The following ARHGAP44 variants were observed in gnomAD, a reference collection of about 807,000 sequenced individuals.
The protein encoded by ARHGAP44 is Rho GTPase activating protein 44.
A neutral mutation model predicts 106.8 loss-of-function variants in ARHGAP44; 43 were observed. That is an observed-to-expected ratio of 0.40 (90% CI 0.32 to 0.52). The LOEUF (loss-of-function observed/expected upper bound fraction) is 0.52. Ranked by LOEUF, ARHGAP44 falls within the 20% of genes least tolerant of loss-of-function variation. The pLI, the probability that ARHGAP44 is intolerant of heterozygous loss-of-function variation, is 0.48. For synonymous variants in ARHGAP44, 439 were observed against 410.3 expected (o/e 1.07, Z -0.85); for missense variants, 866 against 1,050.5 (o/e 0.82, Z 2.43).
intron 1 of ARHGAP44, among the ~76,000 whole-genome samples, chr17:12,798,005 T>TG (rs2033975613): frequency 6.6e-6 from 1 of 152,190 alleles, no homozygotes; most frequent in African/African-American, 2.4e-5. Context: ...TACTCTTTGT[T>TG]GCTGGAATGT....
rs1598173210 is a variant in ARHGAP44 at position 12,989,101 on chromosome 17, C to CGAAAAAAAAAAA, written c.2318-931_2318-930insGAAAAAAAAAAA. Among the ~76,000 whole-genome samples, 178 of 45,158 alleles carry CGAAAAAAAAAAA rather than the reference C, an allele frequency of 3.9e-3. 7 individuals are homozygous for CGAAAAAAAAAAA. Among genetic ancestry groups the CGAAAAAAAAAAA allele is most frequent in the South Asian group, 0.011 (9 of 792 alleles). The allele number at this position is 45,158 out of a possible 152,430, so 29.6% of individuals were successfully genotyped here. ...GACAAGAGCGAAACTCCACCCCCCCCAAAAAAAAAAAAAAAAAAAAAAAAC... is the reference window on the plus strand; with the variant it reads ...GACAAGAGCGAAACTCCACCCCCCCCGAAAAAAAAAAAAAAAAAAAAAAAAAAAAAAAAAAAC... On this transcript the variant is annotated intron_variant, in intron 20 of 20. Coordinates refer to ENST00000379672, the MANE Select transcript of ARHGAP44 (RefSeq NM_014859.6).
At chr17:12,808,330 G>A (rs1338507542) in intron 1 of ARHGAP44, among the ~76,000 whole-genome samples, 1 of 152,368 alleles carries the variant, frequency 6.6e-6, no homozygotes, top group East Asian at 1.9e-4. Context: ...ACTCTGTGTG[G>A]GGCTCGAACC....
At chr17:12,854,170 T>C (rs969852958) in intron 1 of ARHGAP44, among the ~76,000 whole-genome samples, 23 of 152,230 alleles carry the variant, frequency 1.5e-4, no homozygotes, top group African/African-American at 5.1e-4. Context: ...CAGATGGAGA[T>C]GGCACAGGAG....
At chr17:12,854,958 CAAA>C (rs1182512832) in intron 1 of ARHGAP44, among the ~76,000 whole-genome samples, 5 of 50,926 alleles carry the variant, frequency 9.8e-5, no homozygotes, top group Non-Finnish European at 2.3e-4. Flanking sequence ...AACTCTGTCT[CAAA>C]AAAAAAAAAA....
chr17:12,979,929 A>G (rs73978294), intron 18 of ARHGAP44, 129 bp from the exon 19 acceptor site: 3 of 1,041,554 alleles, frequency 2.9e-6, no homozygotes, highest in Admixed American at 2.9e-5. Flanking sequence ...GGAAGGGGCC[A>G]AGACAGACCA....
At chr17:12,837,433 G>T (rs1340858260) in intron 1 of ARHGAP44, among the ~76,000 whole-genome samples, 1 of 152,148 alleles carries the variant, frequency 6.6e-6, no homozygotes, top group Non-Finnish European at 1.5e-5. Flanking sequence ...AGAAAAGAGG[G>T]TTGATTTTTA....
chr17:12,977,020 C>T (rs1246773459), intron 18 of ARHGAP44, among the ~76,000 whole-genome samples: 3 of 151,580 alleles, frequency 2.0e-5, no homozygotes, highest in Admixed American at 2.0e-4. Context: ...AAAAAGTGCT[C>T]CTTGAAGATG....
chr17:12,935,664 A>G (rs1171531362), intron 7 of ARHGAP44, among the ~76,000 whole-genome samples: 1 of 152,184 alleles, frequency 6.6e-6, no homozygotes, highest in Admixed American at 6.6e-5. Context: ...AGGGAACTGA[A>G]TGAGATTAGG....
At chr17:12,820,631 C>G (rs1398538524) in intron 1 of ARHGAP44, among the ~76,000 whole-genome samples, 1 of 152,090 alleles carries the variant, frequency 6.6e-6, no homozygotes, top group African/African-American at 2.4e-5. Flanking sequence ...TATAGTAAGT[C>G]TGTGTTCCCT....
chr17:12,795,454 G>A (rs1429181228), intron 1 of ARHGAP44, among the ~76,000 whole-genome samples: 6 of 152,058 alleles, frequency 3.9e-5, no homozygotes, highest in Non-Finnish European at 7.4e-5. Flanking sequence ...TCATCGTGAG[G>A]AAGCCATGCT....
intron 1 of ARHGAP44, among the ~76,000 whole-genome samples, chr17:12,874,890 A>G (rs2036507708): frequency 1.4e-5 from 2 of 143,522 alleles, no homozygotes; most frequent in Middle Eastern, 3.3e-3. Flanking sequence ...AAAGTTAGAT[A>G]TGCCTGGAAC....
At chr17:12,959,932 G>A (rs1567710020) in intron 16 of ARHGAP44, among the ~76,000 whole-genome samples, 1 of 152,214 alleles carries the variant, frequency 6.6e-6, no homozygotes, top group African/African-American at 2.4e-5. Flanking sequence ...GGCCTAAAGC[G>A]GTGCAGGAGG....
In ARHGAP44 at chr17:12,949,961, G is replaced by A. The variant is rs2038953173; in HGVS notation, c.1055+231G>A. Among the ~76,000 whole-genome samples the A allele has an allele frequency of 1.3e-5, 2 of 152,026 alleles. No individual in the cohort carries two copies. Among genetic ancestry groups the A allele is most frequent in the Admixed American group, 6.6e-5 (1 of 15,122 alleles). ...TAAAGATTCATTGGAGAAGGGGGTT[G>A]GGAAGTGGCTAAGTAAACTGTGGAG... On this transcript the variant is annotated intron_variant, in intron 12 of 20. Coordinates refer to ENST00000379672, the MANE Select transcript of ARHGAP44 (RefSeq NM_014859.6). This position sits in a 1 kb window ranked among gnomAD's most constrained non-coding sequence, Gnocchi z 4.1.
At chr17:12,895,143 A>T (rs1423914807) in intron 2 of ARHGAP44, among the ~76,000 whole-genome samples, 164 bp downstream of exon 2, 1 of 152,096 alleles carries the variant, frequency 6.6e-6, no homozygotes, top group African/African-American at 2.4e-5. Flanking sequence ...ACAAACAAAA[A>T]ACAAACAAAT....
At chr17:12,806,935 TTTGA>T (rs2034293121) in intron 1 of ARHGAP44, among the ~76,000 whole-genome samples, 1 of 152,082 alleles carries the variant, frequency 6.6e-6, no homozygotes, top group Admixed American at 6.6e-5. Flanking sequence ...ACAAAAAATA[TTTGA>T]TTGATTGAAG....
At chr17:12,952,647 G>T in intron 13 of ARHGAP44, 66 bp downstream of exon 13, 2 of 1,242,640 alleles carry the variant, frequency 1.6e-6, no homozygotes. Context: ...AGATACAACT[G>T]CCCGGGTAAA....
intron 1 of ARHGAP44, among the ~76,000 whole-genome samples, chr17:12,883,615 C>T (rs1001930450): frequency 1.3e-5 from 2 of 151,872 alleles, no homozygotes; most frequent in Non-Finnish European, 2.9e-5. Flanking sequence ...GACCTGTTAT[C>T]GATTTAGAAG....
intron 1 of ARHGAP44, among the ~76,000 whole-genome samples, chr17:12,841,591 C>CTG (rs2035395481): frequency 7.6e-6 from 1 of 131,836 alleles, no homozygotes; most frequent in African/African-American, 3.1e-5. Context: ...CTCTGTCTCT[C>CTG]TCTCACACAC....
rs555040954 is a variant in ARHGAP44 at position 12,796,625 on chromosome 17, C to T, written c.53+6734C>T. ...TTGTTTTTTTTTTTTGAGATGGAGT[C>T]TCACTCTGTCACCCAGCCTGGAGTG... On this transcript the variant is annotated intron_variant, in intron 1 of 20. Coordinates refer to ENST00000379672, the MANE Select transcript of ARHGAP44 (RefSeq NM_014859.6). 2.1e-3 allele frequency among the ~76,000 whole-genome samples: 316 copies of T among 148,980 alleles called. 4 individuals are homozygous for T. The highest frequency in any genetic ancestry group is 7.5e-3 in the African/African-American group (302 of 40,036).
Sources: gnomAD v4.1 joint callset for allele counts (sites outside exome capture counted in the v4.1 genomes callset) on GRCh38, gnomAD v4.1.1 for gene constraint, Gnocchi (gnomAD v3.1) non-coding constraint, MANE v1.5 for transcripts, NCBI Gene and HGNC (gene_info 2026-07-23, HGNC 2026-07-21) for gene names.